The following FRAS1 variants were observed in gnomAD, a reference collection of about 807,000 sequenced individuals.
FRAS1 encodes the protein Fraser extracellular matrix complex subunit 1.
Under a neutral mutation model 435.2 loss-of-function variants are expected in FRAS1, and 290 were observed. The observed-to-expected ratio is 0.67, with a 90% CI of 0.61 to 0.73. The LOEUF (loss-of-function observed/expected upper bound fraction) is 0.73. Ranked by LOEUF, FRAS1 falls within the 30% of genes least tolerant of loss-of-function variation. The pLI, the probability that FRAS1 is intolerant of heterozygous loss-of-function variation, is 0.00. For synonymous variants in FRAS1, 1,800 were observed against 1,851.0 expected, an observed-to-expected ratio of 0.97 and a Z score of 0.71; for missense variants, 4,860 against 5,001.5, an observed-to-expected ratio of 0.97 and a Z score of 0.85.
chr4:78,097,572 C>G (rs1425403187), intron 2 of FRAS1, among the ~76,000 whole-genome samples: 1 of 152,192 alleles, frequency 6.6e-6, no homozygotes, highest in Non-Finnish European at 1.5e-5. Flanking sequence ...CAAGTCACAT[C>G]TTACATGGAT....
intron 2 of FRAS1, among the ~76,000 whole-genome samples, chr4:78,192,970 G>A (rs1253785659): frequency 6.6e-6 from 1 of 152,144 alleles, no homozygotes; most frequent in Non-Finnish European, 1.5e-5. Flanking sequence ...CTGGTATGTT[G>A]TGTCTTTGTT....
chr4:78,263,427 C>T (rs950786309), intron 6 of FRAS1, among the ~76,000 whole-genome samples: 1 of 152,154 alleles, frequency 6.6e-6, no homozygotes, highest in African/African-American at 2.4e-5. Context: ...GTAATACCTC[C>T]CTCCCTGCAT....
At chr4:78,312,857 GAA>G (rs10556252) in intron 15 of FRAS1, among the ~76,000 whole-genome samples, 30,850 of 131,104 alleles carry the variant, frequency 0.24, 3,402 homozygotes, top group Non-Finnish European at 0.28. Context: ...AAGAAAGAAA[GAA>G]AGAGAGAGAG....
rs548315443 is a variant in FRAS1 at position 78,207,129 on chromosome 4, CT to C, written c.109-30375del. Among the ~76,000 whole-genome samples the C allele has an allele frequency of 5.4e-3, 827 of 152,324 alleles. 7 individuals carry two copies. Among genetic ancestry groups the C allele is most frequent in the African/African-American group, 0.019 (776 of 41,560 alleles). On this transcript the variant is annotated intron_variant, in intron 2 of 73. Coordinates refer to ENST00000512123, the MANE Select transcript of FRAS1 (RefSeq NM_025074.7). ...AAACCTTCATTGAGAAATGGAAGGA[CT>C]TTTTTCTGAAGCCACCCATTAAGCC...
At chr4:78,241,285 G>T (rs1337895964) in intron 3 of FRAS1, among the ~76,000 whole-genome samples, 1 of 152,140 alleles carries the variant, frequency 6.6e-6, no homozygotes, top group Non-Finnish European at 1.5e-5. Context: ...CCCTTGACTA[G>T]ACTGCAATGC....
intron 50 of FRAS1, among the ~76,000 whole-genome samples, chr4:78,468,433 A>G (rs931701428): frequency 1.3e-5 from 2 of 152,182 alleles, no homozygotes; most frequent in African/African-American, 4.8e-5. Context: ...TACATAAAGC[A>G]CTAAGCCCAG....
chr4:78,294,697 G>A lies in FRAS1; in HGVS notation c.1534+8158G>A, dbSNP rs554589597. Among the ~76,000 whole-genome samples, 31 of 152,152 alleles carry A rather than the reference G, an allele frequency of 2.0e-4. No homozygotes were observed. In the East Asian group the frequency reaches 3.7e-3, roughly 18 times the overall value. On this transcript the variant is annotated intron_variant, in intron 14 of 73. Coordinates refer to ENST00000512123, the MANE Select transcript of FRAS1 (RefSeq NM_025074.7). ...AAATTCAAATATATTACTCAAGACG[G>A]GTAAATCATTCAGCTGTATCACAAT...
At chr4:78,507,744 C>A (rs565367464) in intron 62 of FRAS1, 136 bp downstream of exon 62, 16 of 803,126 alleles carry the variant, frequency 2.0e-5, no homozygotes, top group Non-Finnish European at 3.0e-5. Flanking sequence ...TTCCATCATC[C>A]CCTTTCCAGA....
chr4:78,179,193 A>AAATGG (rs1643443853), intron 2 of FRAS1, among the ~76,000 whole-genome samples: 1 of 152,240 alleles, frequency 6.6e-6, no homozygotes, highest in Admixed American at 6.5e-5. Flanking sequence ...TAGAACCAGA[A>AAATGG]AATGGAATGG....
intron 59 of FRAS1, among the ~76,000 whole-genome samples, chr4:78,492,567 T>C (rs1238413024): frequency 1.3e-5 from 2 of 152,154 alleles, no homozygotes; most frequent in African/African-American, 4.8e-5. Context: ...ACTTAATAAA[T>C]GGTGTTGGGA....
intron 67 of FRAS1, among the ~76,000 whole-genome samples, chr4:78,520,494 T>G (rs1721353617): frequency 1.3e-5 from 2 of 152,190 alleles, no homozygotes; most frequent in South Asian, 4.1e-4. Flanking sequence ...AGTGTTTGGT[T>G]CCAGGACCTC....
intron 2 of FRAS1, among the ~76,000 whole-genome samples, chr4:78,201,075 G>T (rs899969897): frequency 2.6e-5 from 4 of 151,944 alleles, no homozygotes; most frequent in African/African-American, 9.7e-5. Flanking sequence ...GATCTCAGAT[G>T]TATTCTTATT....
chr4:78,169,267 C>T (rs1200162061), intron 2 of FRAS1, among the ~76,000 whole-genome samples: 4 of 152,132 alleles, frequency 2.6e-5, no homozygotes, highest in Non-Finnish European at 5.9e-5. Flanking sequence ...GTCTACTTTT[C>T]ATTAACCATA....
At chr4:78,425,021 A>T (rs1733943363) in intron 35 of FRAS1, among the ~76,000 whole-genome samples, 1 of 151,954 alleles carries the variant, frequency 6.6e-6, no homozygotes, top group East Asian at 1.9e-4. Flanking sequence ...TAAGCCCTGC[A>T]TCCAGATGAC....
chr4:78,515,581 G>A (rs886074079), intron 65 of FRAS1, among the ~76,000 whole-genome samples: 3 of 152,026 alleles, frequency 2.0e-5, no homozygotes, highest in Non-Finnish European at 4.4e-5. Context: ...TCTCTTAGAG[G>A]TGGAGTCCTC....
chr4:78,400,975 A>C, intron 30 of FRAS1, 88 bp downstream of exon 30: 1 of 1,227,830 alleles, frequency 8.1e-7, no homozygotes, highest in Non-Finnish European at 1.1e-6. Context: ...GCAAGATTGC[A>C]ATTCCAATGA....
At chr4:78,085,578 C>T (rs1410362580) in intron 2 of FRAS1, among the ~76,000 whole-genome samples, 4 of 152,066 alleles carry the variant, frequency 2.6e-5, no homozygotes, top group African/African-American at 9.7e-5. Flanking sequence ...TCTGGGGACT[C>T]TCAGACATGA....
chr4:78,115,339 C>T (rs1315285901), intron 2 of FRAS1, among the ~76,000 whole-genome samples: 1 of 152,102 alleles, frequency 6.6e-6, no homozygotes. Flanking sequence ...TGATGCTGGC[C>T]TCATAAAATA....
intron 62 of FRAS1, 54 bp from the exon 63 acceptor site, chr4:78,508,677 T>C: frequency 6.3e-7 from 1 of 1,599,992 alleles, no homozygotes; most frequent in Non-Finnish European, 8.5e-7. Flanking sequence ...GGGGCTTAGT[T>C]CTCTGACCTT....
Sources: gnomAD v4.1 joint callset for allele counts (sites outside exome capture counted in the v4.1 genomes callset) on GRCh38, gnomAD v4.1.1 for gene constraint, MANE v1.5 for transcripts, NCBI Gene and HGNC (gene_info 2026-07-23, HGNC 2026-07-21) for gene names.